The following ZNF804A variants were observed in gnomAD, a reference collection of about 807,000 sequenced individuals.
The protein encoded by ZNF804A is zinc finger protein 804A.
In ZNF804A, 2 loss-of-function variants were observed where a neutral mutation model predicts 16.5. The ratio of observed to expected loss-of-function variants is 0.12; its 90% CI spans 0.05 to 0.38. The LOEUF (loss-of-function observed/expected upper bound fraction) is 0.38. Ranked by LOEUF, ZNF804A falls within the 10% of genes least tolerant of loss-of-function variation. ZNF804A has a pLI of 0.99. For missense variants in ZNF804A, 1,473 were observed against 1,390.7 expected (o/e 1.06, Z -0.94); for synonymous variants, 534 against 489.6 (o/e 1.09, Z -1.20).
chr2:184,774,696 T>A (rs1016304277), intron 1 of ZNF804A, among the ~76,000 whole-genome samples: 7 of 151,794 alleles, frequency 4.6e-5, no homozygotes, highest in Non-Finnish European at 1.0e-4. Flanking sequence ...AATCATTTTA[T>A]CAAAAATATT....
intron 2 of ZNF804A, among the ~76,000 whole-genome samples, chr2:184,906,506 G>C (rs1685277121): frequency 1.3e-5 from 2 of 152,004 alleles, no homozygotes; most frequent in Admixed American, 6.6e-5. Flanking sequence ...TCGCCATATT[G>C]CCCACACTGG....
At position 184,935,209 on chromosome 2, in the gene ZNF804A, A is replaced by C. The variant is rs150910752; in HGVS notation, c.387-574A>C. On this transcript the variant is annotated intron_variant, in intron 3 of 3. Coordinates refer to ENST00000302277, the MANE Select transcript of ZNF804A (RefSeq NM_194250.2). ...AACTTCAGGATAATTTTAAATATTG[A>C]GACTAACAATTTCAAAAGAGTCAAA... Among the ~76,000 whole-genome samples, 28 of 152,256 alleles carry C rather than the reference A, an allele frequency of 1.8e-4. No homozygotes were observed. The South Asian group carries it at 5.8e-3, about 32-fold the overall frequency.
chr2:184,772,263 A>T (rs1694227050), intron 1 of ZNF804A, among the ~76,000 whole-genome samples: 1 of 140,728 alleles, frequency 7.1e-6, no homozygotes, highest in African/African-American at 2.8e-5. Context: ...ACTCCCCTTG[A>T]CCAAAAAAAA....
intron 1 of ZNF804A, among the ~76,000 whole-genome samples, chr2:184,613,969 A>G (rs188398014): frequency 9.6e-4 from 147 of 152,366 alleles, no homozygotes; most frequent in Admixed American, 2.7e-3. Flanking sequence ...AAGAGCTGGT[A>G]TAGCCAAGAC....
At chr2:184,623,665 A>C (rs1158143061) in intron 1 of ZNF804A, among the ~76,000 whole-genome samples, 1 of 152,170 alleles carries the variant, frequency 6.6e-6, no homozygotes, top group East Asian at 1.9e-4. Flanking sequence ...ATCCAAACCC[A>C]GCACTTGACC....
chr2:184,898,744 G>A (rs1489523824), intron 2 of ZNF804A, among the ~76,000 whole-genome samples: 2 of 151,946 alleles, frequency 1.3e-5, no homozygotes, highest in Non-Finnish European at 2.9e-5. Flanking sequence ...TATATTAATT[G>A]TATTGTTTTC....
chr2:184,763,932 G>A (rs1694080202), intron 1 of ZNF804A, among the ~76,000 whole-genome samples: 1 of 151,940 alleles, frequency 6.6e-6, no homozygotes, highest in Non-Finnish European at 1.5e-5. Context: ...GTGAGCCACT[G>A]CGCTGGCCCA....
At chr2:184,847,410 T>A (rs529615755) in intron 1 of ZNF804A, among the ~76,000 whole-genome samples, 4 of 152,228 alleles carry the variant, frequency 2.6e-5, no homozygotes, top group African/African-American at 9.6e-5. Flanking sequence ...TTCAAAATCA[T>A]CTTATGATCC....
At chr2:184,708,715 G>T (rs1364088633) in intron 1 of ZNF804A, among the ~76,000 whole-genome samples, 1 of 151,996 alleles carries the variant, frequency 6.6e-6, no homozygotes, top group Non-Finnish European at 1.5e-5. Context: ...TACAATCTAT[G>T]ACAAGGAAAT....
rs75876499 is a variant in ZNF804A, at chr2:184,857,530, A to G, written c.112-8839A>G. Among the ~76,000 whole-genome samples the G allele has an allele frequency of 1.9e-3, 285 of 152,134 alleles. 10 individuals are homozygous for G. The East Asian group carries it at 0.053, about 28-fold the overall frequency. The stretch of plus-strand genomic sequence containing the variant: ...TGTAGTTTAAGTCCCATGTTTCCTT[A>G]TTGATTTTCTGTCTGAATGAACTGT... On this transcript the variant is annotated intron_variant, in intron 1 of 3. Transcript: ENST00000302277.
At chr2:184,829,301 G>A (rs1469178375) in intron 1 of ZNF804A, among the ~76,000 whole-genome samples, 1 of 151,828 alleles carries the variant, frequency 6.6e-6, no homozygotes, top group African/African-American at 2.4e-5. Context: ...TGAGAAGTAT[G>A]TTAGAATAAA....
intron 2 of ZNF804A, among the ~76,000 whole-genome samples, chr2:184,906,660 G>A (rs535940854): frequency 3.2e-4 from 49 of 151,968 alleles, no homozygotes; most frequent in African/African-American, 1.2e-3. Context: ...TTCTAAGATG[G>A]CCATCAAGAT....
At chr2:184,671,605 C>A (rs1261904212) in intron 1 of ZNF804A, among the ~76,000 whole-genome samples, 2 of 152,184 alleles carry the variant, frequency 1.3e-5, no homozygotes, top group Non-Finnish European at 2.9e-5. Flanking sequence ...CTAGTGCTTT[C>A]TCAATATTCA....
intron 1 of ZNF804A, among the ~76,000 whole-genome samples, chr2:184,718,159 G>A (rs1693244447): frequency 6.6e-6 from 1 of 152,168 alleles, no homozygotes; most frequent in South Asian, 2.1e-4. Flanking sequence ...CAGCAGACAA[G>A]AGAAGAGGAT....
chr2:184,625,727 T>G (rs1691483652), intron 1 of ZNF804A, among the ~76,000 whole-genome samples: 1 of 152,178 alleles, frequency 6.6e-6, no homozygotes, highest in South Asian at 2.1e-4. Flanking sequence ...TTATTTTGAG[T>G]AATATTATTA....
intron 1 of ZNF804A, among the ~76,000 whole-genome samples, chr2:184,634,755 C>T (rs62176172): frequency 0.3 from 45,369 of 151,976 alleles, 7,213 homozygotes; most frequent in East Asian, 0.49. Flanking sequence ...CTGTTTCCAA[C>T]CTTTGACCTC....
At chr2:184,867,265 CACAGT>C (rs1463663270) in intron 2 of ZNF804A, among the ~76,000 whole-genome samples, 1 of 152,026 alleles carries the variant, frequency 6.6e-6, no homozygotes. Flanking sequence ...TGATACAATA[CACAGT>C]ATTAGCATTA....
intron 1 of ZNF804A, among the ~76,000 whole-genome samples, chr2:184,861,361 C>T (rs189337009): frequency 6.6e-6 from 1 of 152,196 alleles, no homozygotes; most frequent in African/African-American, 2.4e-5. Flanking sequence ...ATCTGGTTTC[C>T]TTAGCTCTTA....
At chr2:184,740,255 T>A (rs13026742) in intron 1 of ZNF804A, among the ~76,000 whole-genome samples, 106 of 152,144 alleles carry the variant, frequency 7.0e-4, no homozygotes, top group African/African-American at 2.5e-3. Context: ...GTTAGAAATA[T>A]CAAATGTGAC....
Sources: allele counts gnomAD v4.1 joint callset (sites outside exome capture counted in the v4.1 genomes callset), GRCh38; gene constraint gnomAD v4.1.1; transcripts MANE v1.5; gene names NCBI Gene and HGNC (gene_info 2026-07-23, HGNC 2026-07-21).